The following DNAH14 variants were observed in gnomAD, a reference collection of about 807,000 sequenced individuals.
The protein encoded by DNAH14 is dynein axonemal heavy chain 14, also known as axonemal beta dynein heavy chain 14.
A neutral mutation model predicts 520.9 loss-of-function variants in DNAH14; 478 were observed. That is an observed-to-expected ratio of 0.92 (90% CI 0.85 to 0.99). The LOEUF (loss-of-function observed/expected upper bound fraction) is 0.99, where lower values mean the gene tolerates loss of function less well. DNAH14 is among the 50% of genes least tolerant of loss of function. DNAH14 has a pLI of 0.00. For synonymous variants in DNAH14, 1,581 were observed against 1,757.2 expected (o/e 0.90, Z 2.51); for missense variants, 4,831 against 5,234.5 (o/e 0.92, Z 2.38).
intron 49 of DNAH14, among the ~76,000 whole-genome samples, chr1:225,269,585 C>T (rs1296449367): frequency 6.6e-6 from 1 of 152,188 alleles, no homozygotes; most frequent in East Asian, 1.9e-4. Flanking sequence ...GCCCATCTGA[C>T]AAAGGGCTAA....
chr1:225,098,140 T>A (rs1157991121), intron 22 of DNAH14, among the ~76,000 whole-genome samples: 1 of 151,648 alleles, frequency 6.6e-6, no homozygotes, highest in East Asian at 1.9e-4. Context: ...ATGGCTGCAA[T>A]AAGCCGTGAC....
intron 17 of DNAH14, among the ~76,000 whole-genome samples, chr1:225,054,778 GTTTC>G (rs2148341760): frequency 6.6e-6 from 1 of 151,984 alleles, no homozygotes; most frequent in African/African-American, 2.4e-5. Flanking sequence ...AACTACTTCT[GTTTC>G]TTTTGTGTAT....
chr1:225,119,968 A>G (rs984120093), intron 26 of DNAH14, among the ~76,000 whole-genome samples: 4 of 152,180 alleles, frequency 2.6e-5, no homozygotes, highest in Admixed American at 2.0e-4. Context: ...CTTTTCTTCA[A>G]TTCTTGTAAC....
rs754197668 is a variant in DNAH14, at chr1:225,385,166, C to CA, written c.13078-3209dup. On this transcript the variant is annotated intron_variant, in intron 81 of 85. Coordinates refer to ENST00000682510, the MANE Select transcript of DNAH14 (RefSeq NM_001367479.1). ...CAATAGATGCAGAAAAGGCCTTCGA[C>CA]AAAATTCAACAACCCTTCATGCTAA... 1.4e-4 allele frequency among the ~76,000 whole-genome samples: 21 copies of CA among 152,194 alleles called. 1 individual carries two copies. Among genetic ancestry groups the CA allele is most frequent in the Admixed American group, 2.6e-4 (4 of 15,286 alleles).
intron 41 of DNAH14, among the ~76,000 whole-genome samples, chr1:225,224,798 C>A (rs1460899113): frequency 6.6e-6 from 1 of 152,178 alleles, no homozygotes; most frequent in Non-Finnish European, 1.5e-5. Context: ...AGGTTGGAGC[C>A]TTAATATTGG....
intron 41 of DNAH14, among the ~76,000 whole-genome samples, chr1:225,222,202 G>A (rs539171935): frequency 5.3e-5 from 8 of 152,198 alleles, no homozygotes; most frequent in East Asian, 1.9e-4. Context: ...AAGAGACTGC[G>A]CTGTCAGTAA....
intron 38 of DNAH14, 143 bp from the exon 39 acceptor site, chr1:225,204,040 T>A: frequency 2.2e-6 from 1 of 452,548 alleles, no homozygotes; most frequent in Non-Finnish European, 3.9e-6. Context: ...TAGACTATGC[T>A]GGTTATATGT....
chr1:224,929,654 A>G (rs896941666), upstream of DNAH14: 56 of 702,308 alleles, frequency 8.0e-5, no homozygotes, highest in Non-Finnish European at 9.6e-5. Flanking sequence ...CCTCTTCGCC[A>G]GGGCGCAGGC....
chr1:225,021,012 GT>G (rs148726680), intron 10 of DNAH14, among the ~76,000 whole-genome samples: 3,606 of 152,262 alleles, frequency 0.024, 110 homozygotes, highest in African/African-American at 0.073. Context: ...ATCAATAAGT[GT>G]GATTTATTAT....
intron 17 of DNAH14, among the ~76,000 whole-genome samples, chr1:225,078,859 CCTCTCTCTCTCTCTCTCTCTCTCT>C (rs752732306): frequency 5.3e-5 from 1 of 18,982 alleles, no homozygotes; most frequent in Non-Finnish European, 1.2e-4. Flanking sequence ...TCTCTCTCTC[CCTCTCTCTCTCTCTCTCTCTCTCT>C]CTCTCTCTCT....
Position 225,192,896 on chromosome 1 carries a change from C to G in DNAH14, c.5871C>G (p.Ile1957Met). 1 of 1,547,588 alleles carries G rather than the reference C, an allele frequency of 6.5e-7. No homozygotes were observed. Among genetic ancestry groups the G allele is most frequent in the Non-Finnish European group, 8.7e-7 (1 of 1,144,594 alleles). Residue 1957 changes from isoleucine to methionine, a missense_variant, in exon 38 of 86, where the codon ATC becomes ATG. Ile to Met is a conservative substitution (Grantham distance 10). Transcript: ENST00000682510. ...TTGATCTCAGACTAAAGTCAAGAAT[C>G]TCAGATTTATCCAATGTAAGTTTAG... is the stretch of plus-strand genomic sequence containing the variant. ...KDIDLRLKSRISDLSNVFKLD... is the reference protein window; with the variant it reads ...KDIDLRLKSRMSDLSNVFKLD...
At chr1:225,093,914 G>A (rs1480967994) in intron 21 of DNAH14, among the ~76,000 whole-genome samples, 1 of 151,910 alleles carries the variant, frequency 6.6e-6, no homozygotes, top group Admixed American at 6.6e-5. Context: ...TACTAGGAAT[G>A]CAGCAAACCA....
chr1:225,375,002 G>A, intron 78 of DNAH14, 117 bp downstream of exon 78: 1 of 930,286 alleles, frequency 1.1e-6, no homozygotes, highest in Admixed American at 2.9e-5. Flanking sequence ...GCTTTTAGTA[G>A]CTTTCAGTAG....
rs188935003 is a variant in DNAH14, at chr1:224,960,577, T to C, written c.367+275T>C. Among the ~76,000 whole-genome samples the C allele has an allele frequency of 2.1e-3, 317 of 152,264 alleles. 1 individual carries two copies. The highest frequency in any genetic ancestry group is 3.8e-3 in the Non-Finnish European group (258 of 68,016). On this transcript the variant is annotated intron_variant, in intron 4 of 85. Transcript: ENST00000682510. ...TTTTAGAACTATAATATAAACTGTA[T>C]GGTTTTTTACATACAACTGTAGTAA...
intron 75 of DNAH14, among the ~76,000 whole-genome samples, chr1:225,361,833 A>G (rs556225038): frequency 4.4e-4 from 67 of 151,870 alleles, no homozygotes; most frequent in African/African-American, 1.6e-3. Flanking sequence ...CAGCCTGGGC[A>G]ACAGAGTGAA....
chr1:225,078,184 G>A (rs1352477638), intron 17 of DNAH14, among the ~76,000 whole-genome samples: 1 of 152,088 alleles, frequency 6.6e-6, no homozygotes, highest in Non-Finnish European at 1.5e-5. Context: ...AATGGGACGT[G>A]GAATCAATTT....
chr1:225,102,544 C>T (rs996595629), intron 23 of DNAH14, among the ~76,000 whole-genome samples: 6 of 152,212 alleles, frequency 3.9e-5, no homozygotes, highest in African/African-American at 4.8e-5. Context: ...ACATCCTCTC[C>T]AGCACCTGTT....
At chr1:225,117,631 C>A in intron 23 of DNAH14, 53 bp from the exon 24 acceptor site, 1 of 1,108,822 alleles carries the variant, frequency 9.0e-7, no homozygotes, top group Non-Finnish European at 1.3e-6. Flanking sequence ...GGATGTAATT[C>A]ATATCATAAT....
intron 8 of DNAH14, among the ~76,000 whole-genome samples, chr1:224,981,863 A>G (rs1404265479): frequency 6.6e-6 from 1 of 152,130 alleles, no homozygotes; most frequent in African/African-American, 2.4e-5. Flanking sequence ...TGGCAGAAAT[A>G]TTAAAGGGAA....
Sources: allele counts gnomAD v4.1 joint callset (sites outside exome capture counted in the v4.1 genomes callset), GRCh38; gene constraint gnomAD v4.1.1; transcripts MANE v1.5; gene names NCBI Gene and HGNC (gene_info 2026-07-23, HGNC 2026-07-21).